The following TCERG1 variants were observed in gnomAD, a reference collection of about 807,000 sequenced individuals.
The protein encoded by TCERG1 is transcription elongation regulator 1.
Under a neutral mutation model 144.7 loss-of-function variants are expected in TCERG1, and 37 were observed. The ratio of observed to expected loss-of-function variants is 0.26; its 90% CI spans 0.20 to 0.34. The LOEUF is 0.34. Among genes scored for constraint, TCERG1 ranks in the 10% least tolerant of loss-of-function variants. The probability of loss-of-function intolerance (pLI) is 1.00; values close to 1 mark genes in which losing one functional copy is unlikely to be tolerated. For synonymous variants in TCERG1, 492 were observed against 458.2 expected (o/e 1.07, Z -0.94); for missense variants, 1,027 against 1,380.7 (o/e 0.74, Z 4.06).
rs1413642741 is a variant in TCERG1 at position 146,511,472 on chromosome 5, T to G, written c.*830T>G. ...TTAAGATGTTTGAATGTTCAGTTTA[T>G]GTATTTGAACTACAATAAACCAACC... On this transcript the variant is annotated 3_prime_UTR_variant, in exon 23 of 23. Coordinates refer to ENST00000679501, the MANE Select transcript of TCERG1 (RefSeq NM_001382548.1). 6.5e-6 allele frequency: 1 copy of G among 152,686 alleles called. No individual in the cohort carries two copies. The highest frequency in any genetic ancestry group is 1.5e-5 in the Non-Finnish European group (1 of 68,046). The allele number at this position is 152,686 out of a possible 1,614,324, so 9.5% of individuals were successfully genotyped here.
chr5:146,495,010 T>G (rs1766756142), intron 16 of TCERG1, among the ~76,000 whole-genome samples: 1 of 152,160 alleles, frequency 6.6e-6, no homozygotes. Flanking sequence ...AAAGTTCACT[T>G]CTGTCTTTTC....
intron 16 of TCERG1, 83 bp from the exon 17 acceptor site, chr5:146,498,453 G>C: frequency 7.0e-7 from 1 of 1,435,094 alleles, no homozygotes; most frequent in South Asian, 1.4e-5. Flanking sequence ...ATATACTCTT[G>C]TTGGAAAAAT....
intron 9 of TCERG1, among the ~76,000 whole-genome samples, chr5:146,473,582 G>C (rs77260029): frequency 1.3e-5 from 2 of 152,182 alleles, no homozygotes; most frequent in African/African-American, 4.8e-5. Flanking sequence ...TCACCGCTTG[G>C]CTTCAAAGGA....
intron 9 of TCERG1, among the ~76,000 whole-genome samples, chr5:146,477,870 A>G (rs1765000742): frequency 6.6e-6 from 1 of 151,100 alleles, no homozygotes; most frequent in Non-Finnish European, 1.5e-5. Flanking sequence ...TAATTTTTTT[A>G]ATTAATATTT....
intron 15 of TCERG1, among the ~76,000 whole-genome samples, chr5:146,486,872 C>A (rs764891858): frequency 6.6e-6 from 1 of 152,020 alleles, no homozygotes; most frequent in Non-Finnish European, 1.5e-5. Flanking sequence ...GTCAGGAGTT[C>A]GAGACCAGCC....
chr5:146,504,301 T>TA (rs1767746617), intron 19 of TCERG1: 2 of 229,050 alleles, frequency 8.7e-6, no homozygotes, highest in Non-Finnish European at 1.7e-5. Context: ...ATTACACACT[T>TA]ACCTGCCATA....
intron 1 of TCERG1, among the ~76,000 whole-genome samples, chr5:146,449,503 T>C (rs1244966070): frequency 6.6e-6 from 1 of 152,246 alleles, no homozygotes; most frequent in African/African-American, 2.4e-5. Flanking sequence ...GGACTAAACC[T>C]CAGGTCTCCT....
intron 15 of TCERG1, among the ~76,000 whole-genome samples, chr5:146,492,138 A>C (rs903452846): frequency 6.6e-6 from 1 of 152,168 alleles, no homozygotes; most frequent in African/African-American, 2.4e-5. Flanking sequence ...ATAGCTTTTC[A>C]TCCTTAAAAT....
At position 146,471,887 on chromosome 5, in the gene TCERG1, G is replaced by A. The variant is rs187153795; in HGVS notation, c.1601+311G>A. ...GCTGGGATTACAGGTGTGAGCCACC[G>A]TGCCCGGCCTCAAGTAGTAATTTTT... is the stretch of plus-strand genomic sequence containing the variant. On this transcript the variant is annotated intron_variant, in intron 9 of 22. Transcript: ENST00000679501. Among the ~76,000 whole-genome samples the A allele has an allele frequency of 4.4e-3, 662 of 152,156 alleles. 5 individuals are homozygous for A. The highest frequency in any genetic ancestry group is 0.015 in the African/African-American group (635 of 41,520).
At position 146,471,563 on chromosome 5, in the gene TCERG1, C is replaced by G; in HGVS notation, c.1588C>G (p.Pro530Ala). ...AAAGCCAGTTGCTACTGCTCCTATT[C>G]CTGGTACTCCATGGTATGTATTTGG... ...KAKPVATAPI[P>A]GTPWCVVWTG... Residue 530 changes from proline to alanine, a missense_variant, in exon 9 of 23, where the codon CCT becomes GCT. Pro to Ala is a conservative substitution (Grantham distance 27, BLOSUM62 -1). Around this residue, in one of 6 missense-constraint regions of TCERG1, gnomAD observed 482 missense variants for 632.6 expected, o/e 0.76. Transcript: ENST00000679501. 1 of 1,613,178 alleles carries G rather than the reference C, an allele frequency of 6.2e-7. No homozygotes were observed. The highest frequency in any genetic ancestry group is 8.5e-7 in the Non-Finnish European group (1 of 1,179,628).
chr5:146,455,814 G>T (rs1762779611), intron 2 of TCERG1, among the ~76,000 whole-genome samples: 1 of 152,052 alleles, frequency 6.6e-6, no homozygotes, highest in African/African-American at 2.4e-5. Flanking sequence ...TTTTGAAAAC[G>T]ATTTATTATG....
intron 9 of TCERG1, 124 bp from the exon 10 acceptor site, chr5:146,478,369 T>C (rs149182344): frequency 3.1e-6 from 3 of 965,956 alleles, no homozygotes; most frequent in African/African-American, 3.3e-5. Flanking sequence ...TAAATAACTA[T>C]TGGTAATAAG....
At chr5:146,479,323 A>G (rs1345361340) in intron 10 of TCERG1, among the ~76,000 whole-genome samples, 1 of 151,710 alleles carries the variant, frequency 6.6e-6, no homozygotes, top group African/African-American at 2.4e-5. Context: ...CCTAGTGTGT[A>G]TCATTTATAG....
At chr5:146,473,625 T>C (rs568405691) in intron 9 of TCERG1, among the ~76,000 whole-genome samples, 2 of 152,304 alleles carry the variant, frequency 1.3e-5, no homozygotes, top group South Asian at 2.1e-4. Context: ...CTGGTGACTT[T>C]AAGTTGAAGC....
intron 1 of TCERG1, among the ~76,000 whole-genome samples, chr5:146,449,720 T>G (rs1356857751): frequency 5.3e-5 from 8 of 152,220 alleles, no homozygotes; most frequent in Non-Finnish European, 1.2e-4. Context: ...AGGCTTTTGT[T>G]TTTCAGAAAG....
At chr5:146,474,981 C>T (rs758527832) in intron 9 of TCERG1, among the ~76,000 whole-genome samples, 28 of 152,100 alleles carry the variant, frequency 1.8e-4, no homozygotes, top group Non-Finnish European at 3.5e-4. Context: ...CGCCTGTCTA[C>T]TTCTTTTTTT....
At chr5:146,472,187 G>C (rs1046160625) in intron 9 of TCERG1, among the ~76,000 whole-genome samples, 1 of 152,074 alleles carries the variant, frequency 6.6e-6, no homozygotes. Flanking sequence ...CTCACTATGC[G>C]ATTACATTTA....
chr5:146,503,301 A>G lies in TCERG1; in HGVS notation c.2434-74A>G, dbSNP rs939455340. ...TAGGTGAACTTTTTTTCTAGTTGTA[A>G]ATATTTAAGATATGATGAATTTCTC... is the stretch of plus-strand genomic sequence containing the variant. On this transcript the variant is annotated intron_variant, in intron 17 of 22. Coordinates refer to ENST00000679501, the MANE Select transcript of TCERG1 (RefSeq NM_001382548.1). The G allele has an allele frequency of 2.1e-6, 3 of 1,434,006 alleles. No individual in the cohort carries two copies. The South Asian group carries it at 4.1e-5, about 20-fold the overall frequency. The allele number at this position is 1,434,006 out of a possible 1,614,324, so 88.8% of individuals were successfully genotyped here.
intron 16 of TCERG1, among the ~76,000 whole-genome samples, chr5:146,495,394 T>C (rs941642197): frequency 2.6e-5 from 4 of 152,202 alleles, no homozygotes; most frequent in African/African-American, 9.6e-5. Context: ...AATTATAAAC[T>C]GAAGGGCTTA....
Sources: allele counts gnomAD v4.1 joint callset (sites outside exome capture counted in the v4.1 genomes callset), GRCh38; gene constraint gnomAD v4.1.1; regional missense constraint gnomAD v4.1.1; transcripts MANE v1.5; gene names NCBI Gene and HGNC (gene_info 2026-07-23, HGNC 2026-07-21).